Variants in AGBL4 observed in about 807,000 individuals in gnomAD.
The protein encoded by AGBL4 is AGBL carboxypeptidase 4, also known as cytosolic carboxypeptidase 6.
AGBL4 carries 58 observed loss-of-function variants against 66.4 expected under a neutral mutation model. The ratio of observed to expected loss-of-function variants is 0.87; its 90% CI spans 0.71 to 1.09. The LOEUF (loss-of-function observed/expected upper bound fraction) is 1.09, where lower values mean the gene tolerates loss of function less well. Among genes scored for constraint, AGBL4 ranks in the 50% least tolerant of loss-of-function variants. The pLI is 0.00. For missense variants in AGBL4, 579 were observed against 631.0 expected (o/e 0.92, Z 0.88); for synonymous variants, 234 against 222.9 (o/e 1.05, Z -0.44).
At chr1:49,340,693 A>G (rs1434596443) in intron 3 of AGBL4, among the ~76,000 whole-genome samples, 1 of 152,154 alleles carries the variant, frequency 6.6e-6, no homozygotes, top group Non-Finnish European at 1.5e-5. Context: ...TTCAAACCAG[A>G]GCAACTCCAT....
intron 4 of AGBL4, among the ~76,000 whole-genome samples, chr1:49,078,773 T>A (rs1644756894): frequency 6.6e-6 from 1 of 152,172 alleles, no homozygotes; most frequent in Non-Finnish European, 1.5e-5. Context: ...TGACCTTTTG[T>A]CTTCAATCTT....
intron 3 of AGBL4, among the ~76,000 whole-genome samples, chr1:49,694,547 A>G (rs1646948833): frequency 6.6e-6 from 1 of 152,142 alleles, no homozygotes; most frequent in South Asian, 2.1e-4. Flanking sequence ...TGCAGACAGA[A>G]CCCAGAGACA....
chr1:49,805,632 T>G (rs1455727299), intron 2 of AGBL4, among the ~76,000 whole-genome samples: 2 of 152,210 alleles, frequency 1.3e-5, no homozygotes, highest in Non-Finnish European at 2.9e-5. Context: ...GTCTGAATGC[T>G]TGTTTCTCCC....
chr1:49,839,238 A>G (rs1393190493), intron 2 of AGBL4, among the ~76,000 whole-genome samples: 2 of 152,220 alleles, frequency 1.3e-5, no homozygotes, highest in Non-Finnish European at 2.9e-5. Context: ...TTATAAACAA[A>G]TTAAAACTAT....
intron 4 of AGBL4, among the ~76,000 whole-genome samples, chr1:49,224,248 T>G (rs1005729570): frequency 6.6e-6 from 1 of 152,038 alleles, no homozygotes; most frequent in Non-Finnish European, 1.5e-5. Context: ...AGTGAGCAAA[T>G]AGAAGAAAAT....
At chr1:49,681,167 C>T (rs1363505018) in intron 3 of AGBL4, among the ~76,000 whole-genome samples, 1 of 152,118 alleles carries the variant, frequency 6.6e-6, no homozygotes, top group African/African-American at 2.4e-5. Flanking sequence ...GCTTTAAAAA[C>T]CTCAGCAGAT....
chr1:49,188,090 C>T lies in AGBL4; in HGVS notation c.377+57680G>A, dbSNP rs528184675. Reference sequence around the variant, plus strand: ...CTTGCCTTCTGCCATGATTGTGAGTCCCCCCTAGCTATGTAGAACTGTAAG... The same window carrying T: ...CTTGCCTTCTGCCATGATTGTGAGTTCCCCCTAGCTATGTAGAACTGTAAG... On this transcript the variant is annotated intron_variant, in intron 4 of 13. Transcript: ENST00000371839. Among the ~76,000 whole-genome samples the T allele has an allele frequency of 5.3e-5, 8 of 152,170 alleles. No individual in the cohort carries two copies. The East Asian group carries it at 1.4e-3, about 26-fold the overall frequency.
chr1:49,210,314 A>G (rs1390236849), intron 4 of AGBL4, among the ~76,000 whole-genome samples: 1 of 152,130 alleles, frequency 6.6e-6, no homozygotes, highest in African/African-American at 2.4e-5. Flanking sequence ...TGCAGCTACT[A>G]AGTTATACCA....
At chr1:49,637,432 C>G (rs1645697438) in intron 3 of AGBL4, among the ~76,000 whole-genome samples, 1 of 151,956 alleles carries the variant, frequency 6.6e-6, no homozygotes, top group Non-Finnish European at 1.5e-5. Flanking sequence ...TCCTGAGTAG[C>G]TGGGATTACA....
At chr1:49,921,813 C>A (rs918826757) in intron 1 of AGBL4, among the ~76,000 whole-genome samples, 1 of 152,162 alleles carries the variant, frequency 6.6e-6, no homozygotes, top group Admixed American at 6.5e-5. Flanking sequence ...GCCTACTTTG[C>A]TCTGGCGGCG....
At chr1:50,008,540 C>A (rs976303643) in intron 1 of AGBL4, among the ~76,000 whole-genome samples, 1 of 151,348 alleles carries the variant, frequency 6.6e-6, no homozygotes, top group South Asian at 2.1e-4. Context: ...AGTTTATTGC[C>A]GTAAGAAACT....
Position 49,701,380 on chromosome 1 carries a change from T to C in AGBL4, c.158-3943A>G, listed in dbSNP as rs550948314. ...ATTTTTATCACAAAAATAGTAATAA[T>C]ATATAAAGAAAGCAGAAGGAAACTT... On this transcript the variant is annotated intron_variant, in intron 2 of 13. Transcript: ENST00000371839. 6.6e-5 allele frequency among the ~76,000 whole-genome samples: 10 copies of C among 152,130 alleles called. No individual in the cohort carries two copies. In the South Asian group the frequency reaches 8.3e-4, roughly 13 times the overall value.
At position 49,436,331 on chromosome 1, in the gene AGBL4, C is replaced by T. The variant is rs550669451; in HGVS notation, c.283-190467G>A. 3.9e-5 allele frequency among the ~76,000 whole-genome samples: 6 copies of T among 152,070 alleles called. No individual in the cohort carries two copies. In the South Asian group the frequency reaches 6.2e-4, roughly 16 times the overall value. ...AGATTAAATAAAAATATCTTAAATG[C>T]GAACTCACAGAAAAACATATTGCTC... On this transcript the variant is annotated intron_variant, in intron 3 of 13. Coordinates refer to ENST00000371839, the MANE Select transcript of AGBL4 (RefSeq NM_032785.4).
rs552965659 is a variant in AGBL4, at chr1:49,871,694, G to A, written c.35-20176C>T. The stretch of plus-strand genomic sequence containing the variant: ...CTTTGGATTATATTTATATAAATGT[G>A]TTATTAGTATGTGTTTCAAAATTGT... On this transcript the variant is annotated intron_variant, in intron 1 of 13. Transcript: ENST00000371839. 3.9e-5 allele frequency among the ~76,000 whole-genome samples: 6 copies of A among 152,184 alleles called. No homozygotes were observed. In the South Asian group the frequency reaches 1.0e-3, roughly 26 times the overall value.
In AGBL4 at chr1:49,134,802, G is replaced by A. The variant is rs143507699; in HGVS notation, c.378-89002C>T. 1.0e-3 allele frequency among the ~76,000 whole-genome samples: 155 copies of A among 152,146 alleles called. 1 individual carries two copies. Among genetic ancestry groups the A allele is most frequent in the African/African-American group, 3.6e-3 (149 of 41,514 alleles). ...CATCCTCAGCTTACAAAGATGATGG[G>A]ATTAAGAGATTAAAGTAAAGACAGT... On this transcript the variant is annotated intron_variant, in intron 4 of 13. Transcript: ENST00000371839.
chr1:48,714,108 G>A (rs1236576783), intron 6 of AGBL4, among the ~76,000 whole-genome samples: 2 of 152,278 alleles, frequency 1.3e-5, no homozygotes, highest in East Asian at 3.9e-4. Context: ...GTCGTCAGTG[G>A]AGATGGACAG....
chr1:48,838,756 C>A lies in AGBL4; in HGVS notation c.634+28435G>T, dbSNP rs529501533. On this transcript the variant is annotated intron_variant, in intron 6 of 13. Coordinates refer to ENST00000371839, the MANE Select transcript of AGBL4 (RefSeq NM_032785.4). The stretch of plus-strand genomic sequence containing the variant: ...ATCAACAAAGTGAAGAGACAAACTA[C>A]AGAGTGGGGGAAAATATTTGCAAAC... Among the ~76,000 whole-genome samples the A allele has an allele frequency of 3.3e-5, 5 of 152,186 alleles. No individual in the cohort carries two copies. In the South Asian group the frequency reaches 1.0e-3, roughly 32 times the overall value.
At chr1:49,949,979 CAT>C (rs1390274142) in intron 1 of AGBL4, among the ~76,000 whole-genome samples, 3 of 142,468 alleles carry the variant, frequency 2.1e-5, no homozygotes, top group Non-Finnish European at 4.6e-5. Context: ...TATATACACA[CAT>C]ATGTATATAT....
At chr1:48,646,555 G>GTGTGTGTGT (rs1553200336) in intron 8 of AGBL4, among the ~76,000 whole-genome samples, 2 of 149,928 alleles carry the variant, frequency 1.3e-5, no homozygotes, top group South Asian at 2.1e-4. Context: ...GTGTGTGTGT[G>GTGTGTGTGT]CTGGTGCTGG....
Sources: allele counts gnomAD v4.1 joint callset (sites outside exome capture counted in the v4.1 genomes callset), GRCh38; gene constraint gnomAD v4.1.1; transcripts MANE v1.5; gene names NCBI Gene and HGNC (gene_info 2026-07-23, HGNC 2026-07-21).